LAMA4: variants seen among roughly 807,000 people sequenced by gnomAD.
The protein encoded by LAMA4 is laminin subunit alpha 4.
A neutral mutation model predicts 207.1 loss-of-function variants in LAMA4; 127 were observed. The observed-to-expected ratio is 0.61, with a 90% CI of 0.53 to 0.71. The LOEUF (loss-of-function observed/expected upper bound fraction) is 0.71, where lower values mean the gene tolerates loss of function less well. Ranked by LOEUF, LAMA4 falls within the 30% of genes least tolerant of loss-of-function variation. The pLI, the probability that LAMA4 is intolerant of heterozygous loss-of-function variation, is 0.00. For synonymous variants in LAMA4, 761 were observed against 816.0 expected, an observed-to-expected ratio of 0.93 and a Z score of 1.15; for missense variants, 2,093 against 2,246.5, an observed-to-expected ratio of 0.93 and a Z score of 1.38.
At chr6:112,191,531 G>A in intron 6 of LAMA4, 105 bp downstream of exon 6, 1 of 816,456 alleles carries the variant, frequency 1.2e-6, no homozygotes, top group Non-Finnish European at 2.1e-6. Context: ...AAAGTGACAA[G>A]GGGGCACTCA....
chr6:112,190,871 T>TTTTCTTTCTTTC (rs1173465019), intron 6 of LAMA4, among the ~76,000 whole-genome samples: 1 of 91,536 alleles, frequency 1.1e-5, no homozygotes, highest in African/African-American at 4.2e-5. Flanking sequence ...CAAGGTTTCT[T>TTTTCTTTCTTTC]TTTCTTTCTT....
intron 16 of LAMA4, among the ~76,000 whole-genome samples, chr6:112,153,001 T>C (rs1780488819): frequency 6.6e-6 from 1 of 152,030 alleles, no homozygotes; most frequent in Non-Finnish European, 1.5e-5. Flanking sequence ...AAAATCAATT[T>C]TGGGCTTGAT....
At chr6:112,167,594 G>T (rs1319116608) in intron 12 of LAMA4, among the ~76,000 whole-genome samples, 1 of 152,120 alleles carries the variant, frequency 6.6e-6, no homozygotes, top group Non-Finnish European at 1.5e-5. Flanking sequence ...TGAAAGTAGT[G>T]TTTAGTAATT....
At chr6:112,133,631 A>C in intron 26 of LAMA4, 144 bp from the exon 27 acceptor site, 1 of 1,038,608 alleles carries the variant, frequency 9.6e-7, no homozygotes, top group Non-Finnish European at 1.5e-6. Flanking sequence ...TGATAGGCAC[A>C]CAGCAATGTC....
intron 2 of LAMA4, chr6:112,216,803 C>T: frequency 2.9e-6 from 1 of 346,704 alleles, no homozygotes; most frequent in Non-Finnish European, 5.6e-6. Context: ...ATGTTTTCTT[C>T]CAGTATAAGC....
intron 2 of LAMA4, among the ~76,000 whole-genome samples, chr6:112,225,268 C>T (rs1042434371): frequency 1.3e-5 from 2 of 152,200 alleles, no homozygotes; most frequent in East Asian, 3.8e-4. Flanking sequence ...GTGTGTCCCA[C>T]ACTGACTTTA....
At chr6:112,159,183 C>T (rs1780904372) in intron 13 of LAMA4, among the ~76,000 whole-genome samples, 1 of 152,176 alleles carries the variant, frequency 6.6e-6, no homozygotes, top group Non-Finnish European at 1.5e-5. Flanking sequence ...AATGTTACTA[C>T]AATACTTTTC....
At chr6:112,212,553 C>G (rs1554357073) in intron 3 of LAMA4, among the ~76,000 whole-genome samples, 1 of 152,100 alleles carries the variant, frequency 6.6e-6, no homozygotes. Context: ...TGTTGATGGG[C>G]ACACAGCAAC....
chr6:112,223,780 C>T (rs1249594760), intron 2 of LAMA4, among the ~76,000 whole-genome samples: 3 of 152,288 alleles, frequency 2.0e-5, no homozygotes, highest in African/African-American at 7.2e-5. Flanking sequence ...TCCTTTTGCT[C>T]TTCCTCACAG....
chr6:112,206,814 T>A (rs1389216683), intron 4 of LAMA4, among the ~76,000 whole-genome samples: 4 of 152,244 alleles, frequency 2.6e-5, no homozygotes, highest in Non-Finnish European at 5.9e-5. Flanking sequence ...GGGAACACAG[T>A]CATCATCTAT....
rs374932946 is a variant in LAMA4, at chr6:112,154,928, G to A, written c.1979C>T (p.Thr660Ile). ...TTCATCTTTATGGTAAATGATTTGA[G>A]TATCAATCCCACTCACCGCCTACAA... ...RIYDAVSGID[T>I]QIIYHKDESE... Residue 660 changes from threonine to isoleucine, a missense_variant, in exon 16 of 39, where the codon ACT (threonine) becomes ATT (isoleucine). Transcript: ENST00000230538. 6.8e-6 allele frequency: 11 copies of A among 1,611,918 alleles called. No individual in the cohort carries two copies. The African/African-American group carries it at 1.2e-4, about 18-fold the overall frequency.
At chr6:112,111,976 T>G (rs587696741) in intron 38 of LAMA4, among the ~76,000 whole-genome samples, 3 of 152,276 alleles carry the variant, frequency 2.0e-5, no homozygotes, top group African/African-American at 7.2e-5. Context: ...GGACAAATAC[T>G]CCAACTTCCA....
intron 36 of LAMA4, among the ~76,000 whole-genome samples, chr6:112,115,305 A>G (rs1288140593): frequency 6.6e-6 from 1 of 150,638 alleles, no homozygotes; most frequent in East Asian, 1.9e-4. Context: ...GAACCCAAAT[A>G]AAAATCTGTT....
intron 2 of LAMA4, chr6:112,251,528 A>G (rs1287156436): frequency 6.6e-6 from 1 of 152,264 alleles, no homozygotes; most frequent in Non-Finnish European, 1.5e-5. Flanking sequence ...ATATCTTCCC[A>G]TCCACACATT....
intron 3 of LAMA4, among the ~76,000 whole-genome samples, chr6:112,207,694 A>G (rs1319878392): frequency 2.0e-5 from 3 of 152,072 alleles, no homozygotes; most frequent in East Asian, 3.8e-4. Flanking sequence ...GGATAGTGAC[A>G]TAGAAGAATC....
intron 5 of LAMA4, among the ~76,000 whole-genome samples, chr6:112,201,108 G>A (rs770450217): frequency 1.3e-5 from 2 of 151,966 alleles, no homozygotes; most frequent in East Asian, 1.9e-4. Context: ...CTAAACTCCT[G>A]TGGAATTTGT....
chr6:112,121,191 CA>C (rs1175625555), intron 32 of LAMA4, among the ~76,000 whole-genome samples: 2 of 152,050 alleles, frequency 1.3e-5, no homozygotes, highest in African/African-American at 4.8e-5. Context: ...ATCTAAAACA[CA>C]GACTAAAATT....
chr6:112,254,297 G>C lies in LAMA4; in HGVS notation c.-141-6C>G, dbSNP rs950969286. On this transcript the variant is annotated splice_polypyrimidine_tract_variant and splice_region_variant and intron_variant, in intron 1 of 38. Transcript: ENST00000230538. ...GGTGGCTGCGCAACCAGCAGCTTAG[G>C]AAATAAAGGGAAAGTGCGAGAGTAA... The C allele has an allele frequency of 1.1e-6, 1 of 919,396 alleles. No individual in the cohort carries two copies. Among genetic ancestry groups the C allele is most frequent in the African/African-American group, 1.6e-5 (1 of 61,152 alleles). 57.0% of individuals were successfully genotyped at this position (919,396 alleles called of 1,614,324 possible).
chr6:112,225,455 C>T (rs1554362104), intron 2 of LAMA4, among the ~76,000 whole-genome samples: 1 of 152,158 alleles, frequency 6.6e-6, no homozygotes, highest in African/African-American at 2.4e-5. Context: ...GGGAATTCCT[C>T]AAGGATCAGA....
Sources: allele counts gnomAD v4.1 joint callset (sites outside exome capture counted in the v4.1 genomes callset), GRCh38; gene constraint gnomAD v4.1.1; transcripts MANE v1.5; gene names NCBI Gene and HGNC (gene_info 2026-07-23, HGNC 2026-07-21).